Variants in CCDC32 observed in about 807,000 individuals in gnomAD.
CCDC32 encodes the protein coiled-coil domain containing 32, also known as coiled-coil domain-containing protein 32.
In CCDC32, 9 loss-of-function variants were observed where a neutral mutation model predicts 20.1. The ratio of observed to expected loss-of-function variants is 0.45; its 90% CI spans 0.27 to 0.78. The LOEUF (loss-of-function observed/expected upper bound fraction) is 0.78, where lower values mean the gene tolerates loss of function less well. Ranked by LOEUF, CCDC32 falls within the 30% of genes least tolerant of loss-of-function variation. The pLI is 0.16. For missense variants in CCDC32, 204 were observed against 215.5 expected, an observed-to-expected ratio of 0.95 and a Z score of 0.33; for synonymous variants, 63 against 79.0, an observed-to-expected ratio of 0.80 and a Z score of 1.07.
the CCDC32 span, among the ~76,000 whole-genome samples, chr15:40,521,895 G>A: frequency 2.8e-4 from 42 of 152,168 alleles, 1 homozygote; most frequent in African/African-American, 2.4e-5. Context: ...GATATTTTAT[G>A]CCATTCTGTG....
intron 3 of CCDC32, among the ~76,000 whole-genome samples, chr15:40,539,876 ACACAC>A (rs1183487022): frequency 6.6e-6 from 1 of 150,806 alleles, no homozygotes; most frequent in Non-Finnish European, 1.5e-5. Context: ...ACACACACAC[ACACAC>A]CCCGCTCCTT....
chr15:40,530,321 A>G (rs551356381), downstream of CCDC32, among the ~76,000 whole-genome samples: 1,182 of 142,856 alleles, frequency 8.3e-3, 16 homozygotes, highest in African/African-American at 0.028. Context: ...GTGACCTCCA[A>G]TGTTGGAGGT....
At chr15:40,564,752 A>G in intron 1 of CCDC32, 1 of 1,614,150 alleles carries the variant, frequency 6.2e-7, no homozygotes, top group Non-Finnish European at 8.5e-7. Context: ...ACCCAAAACC[A>G]AAACTTTGCT....
chr15:40,539,120 T>TGG, downstream of CCDC32: 1 of 816,720 alleles, frequency 1.2e-6, no homozygotes, highest in East Asian at 2.7e-5. Flanking sequence ...CCCTGAGGGC[T>TGG]GGGCCAGAGG....
At chr15:40,554,366 C>T (rs1890096407) in intron 3 of CCDC32, among the ~76,000 whole-genome samples, 1 of 152,144 alleles carries the variant, frequency 6.6e-6, no homozygotes, top group Admixed American at 6.5e-5. Context: ...AGCAGGCCCC[C>T]TTCAAATGCA....
chr15:40,550,943 C>A (rs1889829029), downstream of CCDC32, among the ~76,000 whole-genome samples: 1 of 152,194 alleles, frequency 6.6e-6, no homozygotes, highest in African/African-American at 2.4e-5. Flanking sequence ...CAGAAACATT[C>A]TCTTACCATC....
chr15:40,536,891 T>C (rs1361112951), downstream of CCDC32: 2 of 152,244 alleles, frequency 1.3e-5, no homozygotes, highest in African/African-American at 4.8e-5. Context: ...CAGAGTCACC[T>C]AGGGTCGACT....
At chr15:40,526,268 G>A (rs1566977059), downstream of CCDC32, among the ~76,000 whole-genome samples, 1 of 152,138 alleles carries the variant, frequency 6.6e-6, no homozygotes, top group African/African-American at 2.4e-5. Flanking sequence ...GTTTTTAACA[G>A]GCTGGGCTCA....
chr15:40,548,442 C>T (rs1889711152), downstream of CCDC32, among the ~76,000 whole-genome samples: 1 of 152,154 alleles, frequency 6.6e-6, no homozygotes, highest in Admixed American at 6.6e-5. Flanking sequence ...AAACCTGAAG[C>T]TTAGCTTATG....
chr15:40,561,052 T>A (rs1487890585), intron 2 of CCDC32, among the ~76,000 whole-genome samples: 1 of 152,196 alleles, frequency 6.6e-6, no homozygotes, highest in African/African-American at 2.4e-5. Flanking sequence ...AAATAATGTC[T>A]TCTGCAGCAA....
At chr15:40,549,580 C>G (rs1006612545), downstream of CCDC32, among the ~76,000 whole-genome samples, 1 of 152,142 alleles carries the variant, frequency 6.6e-6, no homozygotes, top group South Asian at 2.1e-4. Context: ...GAGGTAGGCT[C>G]TACTCCCCCC....
downstream of CCDC32, chr15:40,535,468 T>C (rs1426573576): frequency 1.0e-6 from 1 of 988,708 alleles, no homozygotes; most frequent in East Asian, 1.1e-4. Flanking sequence ...TACAAATTTA[T>C]ATTTTGAAGG....
At chr15:40,543,362 C>T (rs1256832950) in intron 3 of CCDC32, among the ~76,000 whole-genome samples, 1 of 152,088 alleles carries the variant, frequency 6.6e-6, no homozygotes, top group African/African-American at 2.4e-5. Flanking sequence ...TCGTGACCAA[C>T]CAAGGTATGG....
intron 2 of CCDC32, among the ~76,000 whole-genome samples, chr15:40,562,562 A>G (rs551831553): frequency 6.6e-6 from 1 of 152,190 alleles, no homozygotes; most frequent in African/African-American, 2.4e-5. Flanking sequence ...CCTGGGCAAC[A>G]AGAGTGAAAG....
At chr15:40,535,407 G>A, downstream of CCDC32, 1 of 1,005,214 alleles carries the variant, frequency 9.9e-7, no homozygotes, top group Non-Finnish European at 1.2e-6. Context: ...CTAACCCTTT[G>A]CAGTTCAAAA....
In CCDC32 at chr15:40,557,207, A is replaced by G; in HGVS notation, c.401+9T>C. ...GATTTCAGCTGGAACTAGACGGGGA[A>G]TCGATTACCTCTCATCAGAATCAAG... is the stretch of plus-strand genomic sequence containing the variant. On this transcript the variant is annotated intron_variant, in intron 3 of 3. Transcript: ENST00000416810. The G allele has an allele frequency of 1.2e-6, 2 of 1,604,056 alleles. No individual in the cohort carries two copies. Among genetic ancestry groups the G allele is most frequent in the Non-Finnish European group, 1.7e-6 (2 of 1,176,576 alleles).
downstream of CCDC32, among the ~76,000 whole-genome samples, chr15:40,531,032 A>C (rs1281027563): frequency 6.6e-6 from 1 of 151,678 alleles, no homozygotes; most frequent in Non-Finnish European, 1.5e-5. Context: ...AGAGCAATGC[A>C]AAGTGGACTG....
At chr15:40,564,055 T>A (rs8035774) in intron 1 of CCDC32, among the ~76,000 whole-genome samples, 1 of 151,426 alleles carries the variant, frequency 6.6e-6, no homozygotes, top group Non-Finnish European at 1.5e-5. Flanking sequence ...CTCCTGATCT[T>A]GTGATCCGCC....
At chr15:40,547,069 A>G (rs184432606) in intron 3 of CCDC32, among the ~76,000 whole-genome samples, 1 of 151,188 alleles carries the variant, frequency 6.6e-6, no homozygotes, top group African/African-American at 2.4e-5. Flanking sequence ...GGTAAATAGT[A>G]TCTGTATCTG....
Sources: allele counts gnomAD v4.1 joint callset (sites outside exome capture counted in the v4.1 genomes callset), GRCh38; gene constraint gnomAD v4.1.1; transcripts MANE v1.5; gene names NCBI Gene and HGNC (gene_info 2026-07-23, HGNC 2026-07-21).